The following LRRC7 variants were observed in gnomAD, a reference collection of about 807,000 sequenced individuals.
LRRC7 encodes the protein leucine-rich repeat-containing protein 7.
In LRRC7, 23 loss-of-function variants were observed where a neutral mutation model predicts 175.7. That is an observed-to-expected ratio of 0.13 (90% CI 0.09 to 0.19). The LOEUF (loss-of-function observed/expected upper bound fraction) is 0.19. LRRC7 is among the 10% of genes least tolerant of loss of function. LRRC7 has a pLI of 1.00. For synonymous variants in LRRC7, 685 were observed against 680.9 expected (o/e 1.01, Z -0.09); for missense variants, 1,354 against 1,904.7 (o/e 0.71, Z 5.38).
chr1:69,625,642 G>T (rs1557505311), intron 1 of LRRC7, among the ~76,000 whole-genome samples: 1 of 152,002 alleles, frequency 6.6e-6, no homozygotes, highest in Middle Eastern at 3.4e-3. Flanking sequence ...GCTATAAATA[G>T]ATTTTAGCTA....
At chr1:69,906,849 G>A (rs976343667) in intron 7 of LRRC7, among the ~76,000 whole-genome samples, 6 of 152,182 alleles carry the variant, frequency 3.9e-5, no homozygotes, top group South Asian at 2.1e-4. Context: ...ATTACCTTGC[G>A]CAATATGGCC....
chr1:69,582,253 C>T (rs1646229428), intron 1 of LRRC7, among the ~76,000 whole-genome samples: 1 of 152,182 alleles, frequency 6.6e-6, no homozygotes, highest in South Asian at 2.1e-4. Context: ...TTATTTTACC[C>T]TTTCTTCCAG....
intron 1 of LRRC7, among the ~76,000 whole-genome samples, chr1:69,671,102 C>A (rs1659006136): frequency 6.6e-6 from 1 of 152,122 alleles, no homozygotes; most frequent in Non-Finnish European, 1.5e-5. Flanking sequence ...ATAGCCACCA[C>A]AACTGGGAAT....
chr1:69,908,376 T>G (rs1332211504), intron 7 of LRRC7, among the ~76,000 whole-genome samples: 1 of 151,954 alleles, frequency 6.6e-6, no homozygotes, highest in South Asian at 2.1e-4. Flanking sequence ...TTTGGATCTT[T>G]CCTGCTTTCT....
intron 2 of LRRC7, among the ~76,000 whole-genome samples, chr1:69,736,052 G>T (rs1264370994): frequency 1.3e-5 from 2 of 152,130 alleles, no homozygotes; most frequent in East Asian, 3.8e-4. Flanking sequence ...GATACATTTA[G>T]TAACATTAGC....
At chr1:69,797,946 G>A (rs1675988943) in intron 4 of LRRC7, among the ~76,000 whole-genome samples, 1 of 152,048 alleles carries the variant, frequency 6.6e-6, no homozygotes, top group Non-Finnish European at 1.5e-5. Flanking sequence ...TTTTGAGACG[G>A]AGTCTTGCTC....
At chr1:69,609,362 A>G (rs1288391788) in intron 1 of LRRC7, among the ~76,000 whole-genome samples, 3 of 152,050 alleles carry the variant, frequency 2.0e-5, no homozygotes, top group African/African-American at 7.2e-5. Context: ...TCAGCTGATG[A>G]CAAGTTTTAT....
intron 24 of LRRC7, among the ~76,000 whole-genome samples, chr1:70,079,079 T>G (rs12074817): frequency 0.023 from 3,427 of 152,288 alleles, 133 homozygotes; most frequent in African/African-American, 0.078. Context: ...TTATATTTCT[T>G]TTGAAAATTG....
At chr1:69,718,484 G>A (rs1484877279) in intron 2 of LRRC7, among the ~76,000 whole-genome samples, 4 of 151,776 alleles carry the variant, frequency 2.6e-5, no homozygotes, top group African/African-American at 7.2e-5. Flanking sequence ...TCTCCTGCAT[G>A]GCAAAATGGG....
chr1:69,628,228 T>C (rs1651919561), intron 1 of LRRC7, among the ~76,000 whole-genome samples: 1 of 151,744 alleles, frequency 6.6e-6, no homozygotes, highest in Admixed American at 6.6e-5. Flanking sequence ...GTCATCTATA[T>C]GAAAAGTCAG....
intron 7 of LRRC7, among the ~76,000 whole-genome samples, chr1:69,842,731 T>C (rs1206658752): frequency 3.3e-5 from 5 of 152,148 alleles, no homozygotes; most frequent in Admixed American, 6.6e-5. Context: ...ATCTTTTGGG[T>C]CAGTGACCCT....
At chr1:69,935,899 A>G (rs768440796) in intron 8 of LRRC7, among the ~76,000 whole-genome samples, 2 of 152,180 alleles carry the variant, frequency 1.3e-5, no homozygotes, top group Admixed American at 1.3e-4. Flanking sequence ...CCTCAAAGCC[A>G]AAACGTGTTT....
chr1:69,846,511 G>A lies in LRRC7; in HGVS notation c.647+8228G>A, dbSNP rs372171260. ...CTCAGCTTCAGTTTTATAAGATCTC[G>A]GAGGCTTAGTCTCTAGTGGAACAAT... On this transcript the variant is annotated intron_variant, in intron 7 of 26. Coordinates refer to ENST00000651989, the MANE Select transcript of LRRC7 (RefSeq NM_001370785.2). 4.1e-4 allele frequency among the ~76,000 whole-genome samples: 63 copies of A among 152,078 alleles called. No individual in the cohort carries two copies. In the East Asian group the frequency reaches 5.8e-3, roughly 14 times the overall value.
intron 1 of LRRC7, among the ~76,000 whole-genome samples, chr1:69,572,061 T>G (rs1291205793): frequency 2.6e-5 from 4 of 152,132 alleles, no homozygotes; most frequent in African/African-American, 9.6e-5. Flanking sequence ...GCAAGATGAC[T>G]TTAGGGGAAT....
chr1:69,954,536 T>C (rs930399933), intron 8 of LRRC7, among the ~76,000 whole-genome samples: 15 of 151,966 alleles, frequency 9.9e-5, no homozygotes, highest in African/African-American at 3.4e-4. Flanking sequence ...TGTTCACAAA[T>C]CCATATGAAA....
chr1:69,621,126 C>CA (rs1650504825), intron 1 of LRRC7, among the ~76,000 whole-genome samples: 1 of 151,796 alleles, frequency 6.6e-6, no homozygotes, highest in African/African-American at 2.4e-5. Flanking sequence ...CTCACTGCAA[C>CA]CTCTGCCTCC....
chr1:69,639,695 C>T (rs772881465), intron 1 of LRRC7, among the ~76,000 whole-genome samples: 22 of 151,694 alleles, frequency 1.5e-4, no homozygotes, highest in Non-Finnish European at 3.0e-4. Context: ...AAACTGGTAT[C>T]AAAGGAAGCT....
chr1:69,904,456 GA>G (rs921362878), intron 7 of LRRC7, among the ~76,000 whole-genome samples: 1 of 152,036 alleles, frequency 6.6e-6, no homozygotes, highest in African/African-American at 2.4e-5. Flanking sequence ...AATAATTGAT[GA>G]AAAAACCATG....
chr1:69,728,309 A>G lies in LRRC7; in HGVS notation c.101-31882A>G, dbSNP rs115331397. Among the ~76,000 whole-genome samples, 1,057 of 152,320 alleles carry G rather than the reference A, an allele frequency of 6.9e-3. 15 individuals carry two copies. Among genetic ancestry groups the G allele is most frequent in the African/African-American group, 0.024 (993 of 41,570 alleles). On this transcript the variant is annotated intron_variant, in intron 2 of 26. Transcript: ENST00000651989. ...TAACTAGAAACTGTTTGAAATGGGC[A>G]GATTTGTTCTTGCTTTGAAAATACC...
Sources: gnomAD v4.1 joint callset for allele counts (sites outside exome capture counted in the v4.1 genomes callset) on GRCh38, gnomAD v4.1.1 for gene constraint, MANE v1.5 for transcripts, NCBI Gene and HGNC (gene_info 2026-07-23, HGNC 2026-07-21) for gene names.